The following PRC1 variants were observed in gnomAD, a reference collection of about 807,000 sequenced individuals.
The protein encoded by PRC1 is protein regulator of cytokinesis 1, also known as anaphase spindle elongation 1 homolog.
A neutral mutation model predicts 91.2 loss-of-function variants in PRC1; 54 were observed. The ratio of observed to expected loss-of-function variants is 0.59; its 90% CI spans 0.48 to 0.74. PRC1 has a LOEUF of 0.74. Ranked by LOEUF, PRC1 falls within the 30% of genes least tolerant of loss-of-function variation. The pLI, the probability that PRC1 is intolerant of heterozygous loss-of-function variation, is 0.00. For synonymous variants in PRC1, 275 were observed against 263.6 expected, an observed-to-expected ratio of 1.04 and a Z score of -0.42; for missense variants, 727 against 746.2, an observed-to-expected ratio of 0.97 and a Z score of 0.30.
Position 90,979,272 on chromosome 15 carries a change from G to C in PRC1, c.993C>G (p.Leu331=). 6.2e-7 allele frequency: 1 copy of C among 1,614,082 alleles called. No individual in the cohort carries two copies. The highest frequency in any genetic ancestry group is 8.5e-7 in the Non-Finnish European group (1 of 1,180,008). The change falls in exon 8 of 15, where the codon CTC becomes CTG. Residue 331 remains leucine, a synonymous_variant. Transcript: ENST00000394249. The part of the protein sequence containing the change: ...FCAEDYTESL[L]QLHDAEIVRL... ...GCACAATCTCAGCATCGTGGAGCTG[G>C]AGCAGACTTTCTGTGTAGTCCTCTG... is the stretch of plus-strand genomic sequence containing the variant.
At chr15:90,986,275 C>G (rs1288997832) in intron 1 of PRC1, among the ~76,000 whole-genome samples, 1 of 152,144 alleles carries the variant, frequency 6.6e-6, no homozygotes, top group Non-Finnish European at 1.5e-5. Flanking sequence ...CAGAAACAGC[C>G]TAGATGTCTA....
chr15:90,970,705 T>A (rs1448938472), intron 11 of PRC1, among the ~76,000 whole-genome samples, 191 bp from the exon 12 acceptor site: 1 of 152,220 alleles, frequency 6.6e-6, no homozygotes, highest in African/African-American at 2.4e-5. Flanking sequence ...CAAAGCCTAT[T>A]GCTATCCAGC....
At chr15:90,973,608 TCGTA>T (rs2038383415) in intron 11 of PRC1, among the ~76,000 whole-genome samples, 1 of 152,108 alleles carries the variant, frequency 6.6e-6, no homozygotes, top group Admixed American at 6.5e-5. Context: ...TAAAACCCGA[TCGTA>T]CGTACCTATG....
rs529515389 is a variant in PRC1, at chr15:90,979,246, C to T, written c.1019G>A (p.Arg340Gln). 8.7e-6 allele frequency: 14 copies of T among 1,614,132 alleles called. No homozygotes were observed. The highest frequency in any genetic ancestry group is 2.2e-5 in the East Asian group (1 of 44,882). ...GTGAACTTCATAGTAGTTTTTTAAC[C>T]GCACAATCTCAGCATCGTGGAGCTG... Reference protein sequence around the residue: ...LLQLHDAEIVRLKNYYEVHKE... With the variant: ...LLQLHDAEIVQLKNYYEVHKE... Residue 340 changes from arginine to glutamine, a missense_variant, in exon 8 of 15, where the codon CGG (arginine) becomes CAG (glutamine). By Grantham distance (43) the Arg-to-Gln change is conservative. Coordinates refer to ENST00000394249, the MANE Select transcript of PRC1 (RefSeq NM_003981.4).
At chr15:90,975,173 T>C (rs1020951295) in intron 9 of PRC1, among the ~76,000 whole-genome samples, 6 of 152,218 alleles carry the variant, frequency 3.9e-5, no homozygotes, top group African/African-American at 1.4e-4. Context: ...TGGCACGATC[T>C]CAGCTCACTG....
At chr15:90,992,775 GGTT>G (rs1460158118) in intron 1 of PRC1, among the ~76,000 whole-genome samples, 1 of 151,882 alleles carries the variant, frequency 6.6e-6, no homozygotes, top group Non-Finnish European at 1.5e-5. Context: ...AGGACAAAAA[GGTT>G]GTAAAATGAG....
At chr15:90,991,176 G>T (rs1296405307) in intron 1 of PRC1, among the ~76,000 whole-genome samples, 2 of 151,784 alleles carry the variant, frequency 1.3e-5, no homozygotes, top group African/African-American at 4.8e-5. Context: ...AGCACTTTGG[G>T]AGGCCAAGGC....
rs747723812 is a variant in PRC1, at chr15:90,967,083, T to C, written c.*48A>G. Reference sequence around the variant, plus strand: ...CTAAAGTCACCCCCATATAATTAGGTCCAGTCTAGGCACAGGAAGCCACAG... The same window carrying C: ...CTAAAGTCACCCCCATATAATTAGGCCCAGTCTAGGCACAGGAAGCCACAG... On this transcript the variant is annotated 3_prime_UTR_variant, in exon 15 of 15. Coordinates refer to ENST00000394249, the MANE Select transcript of PRC1 (RefSeq NM_003981.4). 2 of 1,534,626 alleles carry C rather than the reference T, an allele frequency of 1.3e-6. No homozygotes were observed. Among genetic ancestry groups the C allele is most frequent in the Non-Finnish European group, 1.8e-6 (2 of 1,108,546 alleles).
At chr15:90,968,501 G>A (rs935417180) in intron 14 of PRC1, 1 of 986,692 alleles carries the variant, frequency 1.0e-6, no homozygotes, top group African/African-American at 1.7e-5. Flanking sequence ...GTGTAGTTAG[G>A]TGTTAGCAAA....
Position 90,970,477 on chromosome 15 carries a change from C to G in PRC1, c.1499G>C (p.Ser500Thr). The G allele has an allele frequency of 3.1e-6, 5 of 1,613,848 alleles. No homozygotes were observed. Among genetic ancestry groups the G allele is most frequent in the South Asian group, 1.1e-5 (1 of 91,070 alleles). The change falls in exon 12 of 15, where the codon AGT becomes ACT. Residue 500 changes from serine to threonine, a missense_variant. Coordinates refer to ENST00000394249, the MANE Select transcript of PRC1 (RefSeq NM_003981.4). ...CCCTCCAAAGATAGGCCGAATGCTA[C>G]TATTGGCCGTAGCATTGGACATGGT... Reference protein sequence around the residue: ...TTTMSNATANSSIRPIFGGTV... With the variant: ...TTTMSNATANTSIRPIFGGTV...
At chr15:90,976,293 C>A (rs530090378) in intron 9 of PRC1, among the ~76,000 whole-genome samples, 2 of 150,314 alleles carry the variant, frequency 1.3e-5, no homozygotes, top group East Asian at 3.9e-4. Flanking sequence ...TGGTCTTGAA[C>A]TCCTGACCTC....
chr15:90,969,377 G>A lies in PRC1; in HGVS notation c.1749+70C>T, dbSNP rs1212741766. On this transcript the variant is annotated intron_variant, in intron 13 of 14. Transcript: ENST00000394249. ...CCTAGCTAATAGCCTGGGTGCCCCT[G>A]GGAAGATACCCACTCTGCCCCAACT... The A allele has an allele frequency of 2.6e-6, 4 of 1,511,378 alleles. No individual in the cohort carries two copies. In the African/African-American group the frequency reaches 5.6e-5, roughly 21 times the overall value. 93.6% of individuals were successfully genotyped at this position (1,511,378 alleles called of 1,614,324 possible). A position where few individuals can be genotyped will look rare whatever the true frequency, so the allele number is the denominator to read the frequency against.
At chr15:90,987,075 A>G (rs2039635889) in intron 1 of PRC1, among the ~76,000 whole-genome samples, 2 of 149,972 alleles carry the variant, frequency 1.3e-5, no homozygotes, top group African/African-American at 4.9e-5. Context: ...GGAGTTTCAG[A>G]TCATTCTGGG....
chr15:90,979,127 A>G, intron 8 of PRC1, 31 bp downstream of exon 8: 1 of 1,601,964 alleles, frequency 6.2e-7, no homozygotes, highest in South Asian at 1.1e-5. Flanking sequence ...TGCTTTCTTA[A>G]CAGTTAAAAA....
intron 8 of PRC1, among the ~76,000 whole-genome samples, chr15:90,978,641 T>C (rs544799605): frequency 2.0e-5 from 3 of 150,248 alleles, no homozygotes; most frequent in South Asian, 2.1e-4. Context: ...TAATCCCAGC[T>C]ACTTGGGAGG....
In PRC1 at chr15:90,974,179, T is replaced by C; in HGVS notation, c.1418A>G (p.Lys473Arg). Residue 473 changes from lysine (K) to arginine (R), a missense_variant, in exon 11 of 15, where the codon AAG becomes AGG. Coordinates refer to ENST00000394249, the MANE Select transcript of PRC1 (RefSeq NM_003981.4). The surrounding 1 kb of genome is among the most constrained non-coding windows in gnomAD (Gnocchi z 4.6). ...TGTATTGGGAGCCAGTCCTCGCCGC[T>C]TGCTAGGTGTTCGAGGAGCGCTGCC... ...LYGSAPRTPS[K>R]RRGLAPNTPG... The C allele has an allele frequency of 6.2e-7, 1 of 1,614,212 alleles. No individual in the cohort carries two copies. The highest frequency in any genetic ancestry group is 8.5e-7 in the Non-Finnish European group (1 of 1,180,028).
Position 90,974,232 on chromosome 15 carries a change from T to G in PRC1, c.1365A>C (p.Lys455Asn). The G allele has an allele frequency of 6.2e-7, 1 of 1,614,170 alleles. No individual in the cohort carries two copies. Among genetic ancestry groups the G allele is most frequent in the Non-Finnish European group, 8.5e-7 (1 of 1,179,990 alleles). Residue 455 changes from lysine to asparagine, a missense_variant, in exon 11 of 15, where the codon AAA becomes AAC. Transcript: ENST00000394249. This position sits in a 1 kb window ranked among gnomAD's most constrained non-coding sequence, Gnocchi z 4.6. ...RAKQERQLKN[K>N]KQTETEMLYG... ...ACAGCATCTCTGTCTCTGTCTGTTT[T>G]TTGTTCTTCAGTTGCTGTGTGAAAG...
rs2098968561 is a variant in PRC1 at position 90,980,331 on chromosome 15, A to G, written c.881T>C (p.Ile294Thr). Reference sequence around the variant, plus strand: ...AACCAGCTCCACTCGAATTGCCTCAATCACTTTCTTCATGTTTTGCATTTT... The same window carrying G: ...AACCAGCTCCACTCGAATTGCCTCAGTCACTTTCTTCATGTTTTGCATTTT... ...ELKMQNMKKV[I>T]EAIRVELVQY... Residue 294 changes from isoleucine (I) to threonine (T), a missense_variant, in exon 7 of 15, where the codon ATT becomes ACT. By Grantham distance (89) the Ile-to-Thr change is moderately conservative. Coordinates refer to ENST00000394249, the MANE Select transcript of PRC1 (RefSeq NM_003981.4). 3.1e-6 allele frequency: 5 copies of G among 1,614,046 alleles called. No homozygotes were observed. The East Asian group carries it at 6.7e-5, about 22-fold the overall frequency.
rs200697807 is a variant in PRC1, at chr15:90,974,205, A to C, written c.1392T>G (p.Tyr464Ter). 6.2e-7 allele frequency: 1 copy of C among 1,614,098 alleles called. No homozygotes were observed. Residue 464 changes from tyrosine (Y) to a stop codon, truncating the protein, a stop_gained, in exon 11 of 15, where the codon TAT becomes TAG. Coordinates refer to ENST00000394249, the MANE Select transcript of PRC1 (RefSeq NM_003981.4). LOFTEE classifies it high-confidence loss of function. This position sits in a 1 kb window ranked among gnomAD's most constrained non-coding sequence, Gnocchi z 4.6. The part of the protein sequence containing the change: ...NKKQTETEML[Y>*]GSAPRTPSKR... ...TGCTAGGTGTTCGAGGAGCGCTGCC[A>C]TACAGCATCTCTGTCTCTGTCTGTT...
Sources: gnomAD v4.1 joint callset for allele counts (sites outside exome capture counted in the v4.1 genomes callset) on GRCh38, gnomAD v4.1.1 for gene constraint, Gnocchi (gnomAD v3.1) non-coding constraint, MANE v1.5 for transcripts, NCBI Gene and HGNC (gene_info 2026-07-23, HGNC 2026-07-21) for gene names.